GFRA1: variants seen among roughly 807,000 people sequenced by gnomAD.
GFRA1 encodes the protein GDNF family receptor alpha 1.
Under a neutral mutation model 51.6 loss-of-function variants are expected in GFRA1, and 16 were observed. The ratio of observed to expected loss-of-function variants is 0.31; its 90% CI spans 0.21 to 0.47. The LOEUF (loss-of-function observed/expected upper bound fraction) is 0.47, where lower values mean the gene tolerates loss of function less well. Ranked by LOEUF, GFRA1 falls within the 20% of genes least tolerant of loss-of-function variation. The pLI, the probability that GFRA1 is intolerant of heterozygous loss-of-function variation, is 1.00. For missense variants in GFRA1, 530 were observed against 594.3 expected, an observed-to-expected ratio of 0.89 and a Z score of 1.13; for synonymous variants, 270 against 241.3, an observed-to-expected ratio of 1.12 and a Z score of -1.10.
Position 116,061,132 on chromosome 10 carries a change from T to C in GFRA1, c.*3266A>G, listed in dbSNP as rs902185719. 1 of 151,668 alleles carries C rather than the reference T, an allele frequency of 6.6e-6. No homozygotes were observed. Among genetic ancestry groups the C allele is most frequent in the African/African-American group, 2.4e-5 (1 of 41,420 alleles). The allele number at this position is 151,668 out of a possible 1,614,324, so 9.4% of individuals were successfully genotyped here. ...CAGAGTGTATGCAAGACAGGAAGTG[T>C]CTGAATATGGACCAAATCAAAGGCT... On this transcript the variant is annotated 3_prime_UTR_variant, in exon 11 of 11. Coordinates refer to ENST00000355422, the MANE Select transcript of GFRA1 (RefSeq NM_005264.8).
intron 6 of GFRA1, among the ~76,000 whole-genome samples, chr10:116,099,925 TTA>T (rs1234305255): frequency 6.6e-6 from 1 of 152,234 alleles, no homozygotes; most frequent in African/African-American, 2.4e-5. Context: ...ATTGTTATTG[TTA>T]TTTTATTATC....
intron 5 of GFRA1, among the ~76,000 whole-genome samples, chr10:116,209,268 A>G (rs1035868503): frequency 2.0e-5 from 3 of 152,214 alleles, no homozygotes; most frequent in African/African-American, 7.2e-5. Context: ...AATGAAATAT[A>G]AGATAATGCA....
intron 5 of GFRA1, among the ~76,000 whole-genome samples, chr10:116,145,291 C>T (rs1426853629): frequency 2.0e-4 from 30 of 150,952 alleles, no homozygotes; most frequent in Non-Finnish European, 2.9e-5. Context: ...TTCCAGAAAT[C>T]ACATAGAACT....
At chr10:116,202,641 T>TA (rs1198224082) in intron 5 of GFRA1, among the ~76,000 whole-genome samples, 1 of 151,994 alleles carries the variant, frequency 6.6e-6, no homozygotes, top group Non-Finnish European at 1.5e-5. Context: ...AAGCATGTCT[T>TA]ACCATGGTGG....
chr10:116,137,584 T>C (rs985384951), intron 5 of GFRA1, among the ~76,000 whole-genome samples: 2 of 152,182 alleles, frequency 1.3e-5, no homozygotes, highest in African/African-American at 4.8e-5. Flanking sequence ...AGCTCAATTG[T>C]TTCTTCTGGA....
At chr10:116,165,346 C>G (rs112852362) in intron 5 of GFRA1, among the ~76,000 whole-genome samples, 1 of 146,274 alleles carries the variant, frequency 6.8e-6, no homozygotes, top group East Asian at 1.9e-4. Flanking sequence ...AATGTTGGGT[C>G]CATTTCTCTC....
intron 6 of GFRA1, among the ~76,000 whole-genome samples, chr10:116,116,863 T>C (rs1410180970): frequency 1.3e-5 from 2 of 152,212 alleles, no homozygotes; most frequent in African/African-American, 2.4e-5. Context: ...TCTACCTCTC[T>C]TTAAAAACTG....
chr10:116,161,826 G>A (rs563358496), intron 5 of GFRA1, among the ~76,000 whole-genome samples: 72 of 152,206 alleles, frequency 4.7e-4, no homozygotes, highest in East Asian at 1.2e-3. Flanking sequence ...TTTTATTAGC[G>A]TGTGAAAACA....
At chr10:116,229,276 A>T (rs192690701) in intron 4 of GFRA1, among the ~76,000 whole-genome samples, 17 of 152,308 alleles carry the variant, frequency 1.1e-4, no homozygotes, top group South Asian at 6.2e-4. Flanking sequence ...GCAAGTGACA[A>T]GGAAAGCGAT....
rs566324243 is a variant in GFRA1 at position 116,062,938 on chromosome 10, C to T, written c.*1460G>A. On this transcript the variant is annotated 3_prime_UTR_variant, in exon 11 of 11. Transcript: ENST00000355422. ...ACCTAATGTCAACCCTCTTGATCCA[C>T]AAACCTTCCTTCTCTTCTAACATGG... 1.9e-4 allele frequency: 29 copies of T among 152,244 alleles called. No homozygotes were observed. Among genetic ancestry groups the T allele is most frequent in the Non-Finnish European group, 3.7e-4 (25 of 68,058 alleles). 9.4% of individuals were successfully genotyped at this position (152,244 alleles called of 1,614,324 possible).
intron 4 of GFRA1, among the ~76,000 whole-genome samples, chr10:116,225,699 C>T (rs533099483): frequency 6.6e-6 from 1 of 151,732 alleles, no homozygotes; most frequent in African/African-American, 2.4e-5. Flanking sequence ...AAGCAATTCT[C>T]CTGCCTCAGC....
intron 4 of GFRA1, among the ~76,000 whole-genome samples, chr10:116,267,772 A>T (rs912107383): frequency 1.3e-5 from 2 of 152,126 alleles, no homozygotes; most frequent in Non-Finnish European, 2.9e-5. Flanking sequence ...GTTTGTCTGT[A>T]CCTCTCCTCT....
chr10:116,101,993 C>T (rs1169238401), intron 6 of GFRA1, among the ~76,000 whole-genome samples: 1 of 152,206 alleles, frequency 6.6e-6, no homozygotes, highest in East Asian at 1.9e-4. Flanking sequence ...CATATTCCAT[C>T]CTACTGTTAT....
chr10:116,093,898 A>G, intron 7 of GFRA1, 62 bp from the exon 8 acceptor site: 2 of 1,512,726 alleles, frequency 1.3e-6, no homozygotes, highest in Non-Finnish European at 1.8e-6. Context: ...TGGCCTAAAA[A>G]GAAACCAATA....
chr10:116,090,600 C>T (rs1417250629), intron 8 of GFRA1, among the ~76,000 whole-genome samples: 1 of 152,062 alleles, frequency 6.6e-6, no homozygotes, highest in Non-Finnish European at 1.5e-5. Flanking sequence ...ACTTCAAAAG[C>T]TTATTACAAT....
At chr10:116,095,639 C>T (rs956109055) in intron 7 of GFRA1, among the ~76,000 whole-genome samples, 1 of 152,120 alleles carries the variant, frequency 6.6e-6, no homozygotes, top group African/African-American at 2.4e-5. Flanking sequence ...AAGAATGTAC[C>T]AGGAACCTGT....
chr10:116,271,157 G>T (rs1565695107), intron 2 of GFRA1, 42 bp from the exon 3 acceptor site: 1 of 1,551,602 alleles, frequency 6.4e-7, no homozygotes, highest in South Asian at 1.2e-5. Context: ...GGCGGGCGGG[G>T]ACCCCGGCCG....
At chr10:116,091,462 T>C (rs1310168383) in intron 8 of GFRA1, among the ~76,000 whole-genome samples, 1 of 152,146 alleles carries the variant, frequency 6.6e-6, no homozygotes, top group Admixed American at 6.5e-5. Context: ...GGTACTTAGA[T>C]AAACGGATCC....
intron 5 of GFRA1, among the ~76,000 whole-genome samples, chr10:116,154,495 G>T (rs976018612): frequency 6.6e-6 from 1 of 152,204 alleles, no homozygotes; most frequent in Non-Finnish European, 1.5e-5. Flanking sequence ...TTTATATAAA[G>T]TTCAAACAGG....
Sources: allele counts gnomAD v4.1 joint callset (sites outside exome capture counted in the v4.1 genomes callset), GRCh38; gene constraint gnomAD v4.1.1; transcripts MANE v1.5; gene names NCBI Gene and HGNC (gene_info 2026-07-23, HGNC 2026-07-21).